SCFD2: variants seen among roughly 807,000 people sequenced by gnomAD.
The protein encoded by SCFD2 is sec1 family domain-containing protein 2.
In SCFD2, 54 loss-of-function variants were observed where a neutral mutation model predicts 58.9. That is an observed-to-expected ratio of 0.92 (90% CI 0.74 to 1.15). The LOEUF is 1.15. Ranked by LOEUF, SCFD2 falls within the 50% of genes most tolerant of loss-of-function variation. The pLI is 0.00. For missense variants in SCFD2, 805 were observed against 836.6 expected (o/e 0.96, Z 0.47); for synonymous variants, 321 against 335.9 (o/e 0.96, Z 0.49).
intron 3 of SCFD2, among the ~76,000 whole-genome samples, chr4:53,299,245 C>A (rs1169975919): frequency 1.3e-5 from 2 of 152,198 alleles, no homozygotes; most frequent in Admixed American, 1.3e-4. Flanking sequence ...CAGAGAAGTC[C>A]TTAAAGGACC....
At chr4:53,299,933 G>C (rs1360101791) in intron 3 of SCFD2, among the ~76,000 whole-genome samples, 1 of 152,006 alleles carries the variant, frequency 6.6e-6, no homozygotes, top group Non-Finnish European at 1.5e-5. Flanking sequence ...TGCCCTAAAA[G>C]AGCTCCTGAA....
chr4:53,036,326 G>A (rs1372000557), intron 5 of SCFD2, among the ~76,000 whole-genome samples: 1 of 151,550 alleles, frequency 6.6e-6, no homozygotes, highest in African/African-American at 2.4e-5. Context: ...GTCTGTCCTT[G>A]TGATAGTTTG....
At chr4:53,265,941 C>A (rs1354389542) in intron 4 of SCFD2, among the ~76,000 whole-genome samples, 1 of 151,630 alleles carries the variant, frequency 6.6e-6, no homozygotes, top group Non-Finnish European at 1.5e-5. Flanking sequence ...GACAAGGTCT[C>A]ACTATGTTGC....
chr4:53,337,646 T>C (rs1399753967), intron 2 of SCFD2, among the ~76,000 whole-genome samples: 1 of 152,056 alleles, frequency 6.6e-6, no homozygotes, highest in Non-Finnish European at 1.5e-5. Flanking sequence ...TTCATACCAG[T>C]AAAAAACTGG....
chr4:52,919,942 T>G (rs993680894), intron 6 of SCFD2, among the ~76,000 whole-genome samples: 1 of 152,256 alleles, frequency 6.6e-6, no homozygotes, highest in African/African-American at 2.4e-5. Flanking sequence ...AAAGGTTTTA[T>G]GGAGAAATAA....
rs73145367 is a variant in SCFD2 at position 53,197,295 on chromosome 4, T to C, written c.1312-51713A>G. 8.6e-3 allele frequency among the ~76,000 whole-genome samples: 1,311 copies of C among 152,294 alleles called. 24 individuals carry two copies. The highest frequency in any genetic ancestry group is 0.03 in the African/African-American group (1,239 of 41,564). On this transcript the variant is annotated intron_variant, in intron 4 of 8. Transcript: ENST00000401642. ...TTTCAAAATGCCAAATGTAATAAGA[T>C]ATGCTTGTCCCCAATCATCTGTTAG...
chr4:52,956,289 TGAGGAACCA>T (rs1560493264), intron 5 of SCFD2: 1 of 456,170 alleles, frequency 2.2e-6, no homozygotes, highest in Non-Finnish European at 4.4e-6. Flanking sequence ...GAGCGGTGGC[TGAGGAACCA>T]GAGGAAAGCA....
At chr4:53,168,810 T>C (rs750151511) in intron 4 of SCFD2, among the ~76,000 whole-genome samples, 9 of 152,254 alleles carry the variant, frequency 5.9e-5, no homozygotes, top group African/African-American at 1.2e-4. Context: ...AGTATTACTA[T>C]AGTCACCACA....
intron 7 of SCFD2, among the ~76,000 whole-genome samples, chr4:52,904,000 A>G (rs1719285711): frequency 6.6e-6 from 1 of 152,210 alleles, no homozygotes. Flanking sequence ...GGCCTGGACA[A>G]CACTCTCCTG....
chr4:53,057,844 T>C (rs1305602682), intron 5 of SCFD2, among the ~76,000 whole-genome samples: 7 of 152,144 alleles, frequency 4.6e-5, no homozygotes, highest in Non-Finnish European at 1.0e-4. Flanking sequence ...CCTTGTGCTG[T>C]GTTAGCAGCC....
At chr4:53,254,737 G>T (rs989384386) in intron 4 of SCFD2, among the ~76,000 whole-genome samples, 1 of 151,850 alleles carries the variant, frequency 6.6e-6, no homozygotes, top group East Asian at 1.9e-4. Context: ...CACTGGCCAT[G>T]GGGCTACTGA....
At chr4:53,212,813 C>G (rs1205741085) in intron 4 of SCFD2, among the ~76,000 whole-genome samples, 2 of 151,250 alleles carry the variant, frequency 1.3e-5, no homozygotes, top group African/African-American at 4.9e-5. Context: ...TTCAAATTCT[C>G]CTTCACAAGT....
At chr4:52,887,896 C>CTTTTTTT (rs71195133) in intron 7 of SCFD2, among the ~76,000 whole-genome samples, 201 of 81,672 alleles carry the variant, frequency 2.5e-3, no homozygotes, top group Non-Finnish European at 3.3e-3. Flanking sequence ...ACATCTTATT[C>CTTTTTTT]TTTTTTTTTT....
chr4:53,281,762 A>G (rs1731517356), intron 3 of SCFD2, among the ~76,000 whole-genome samples: 1 of 152,228 alleles, frequency 6.6e-6, no homozygotes. Context: ...CTTGCATTAT[A>G]TATTTTAGCT....
intron 2 of SCFD2, among the ~76,000 whole-genome samples, chr4:53,324,904 C>G (rs1733139116): frequency 1.3e-5 from 2 of 152,154 alleles, no homozygotes; most frequent in African/African-American, 4.8e-5. Context: ...ATTGTTAATA[C>G]AAATATTGAT....
chr4:53,300,106 C>T (rs1341429044), intron 3 of SCFD2, among the ~76,000 whole-genome samples: 1 of 152,082 alleles, frequency 6.6e-6, no homozygotes, highest in Non-Finnish European at 1.5e-5. Flanking sequence ...CAATACTAAC[C>T]TTAAATGTAA....
chr4:53,275,009 G>A (rs566501103), intron 3 of SCFD2, among the ~76,000 whole-genome samples: 10 of 152,284 alleles, frequency 6.6e-5, no homozygotes, highest in Non-Finnish European at 8.8e-5. Flanking sequence ...TTATTTGCTT[G>A]TTAAGTATTT....
intron 1 of SCFD2, among the ~76,000 whole-genome samples, chr4:53,360,455 T>C (rs1734518817): frequency 6.6e-6 from 1 of 152,344 alleles, no homozygotes; most frequent in Non-Finnish European, 1.5e-5. Context: ...TTGAGTATCC[T>C]GTGCTCAAAG....
intron 5 of SCFD2, among the ~76,000 whole-genome samples, chr4:53,115,705 C>T (rs1725299762): frequency 6.6e-6 from 1 of 152,086 alleles, no homozygotes; most frequent in Non-Finnish European, 1.5e-5. Flanking sequence ...GGTATTTCTA[C>T]TTTAGGCTTC....
Sources: allele counts gnomAD v4.1 joint callset (sites outside exome capture counted in the v4.1 genomes callset), GRCh38; gene constraint gnomAD v4.1.1; transcripts MANE v1.5; gene names NCBI Gene and HGNC (gene_info 2026-07-23, HGNC 2026-07-21).